Variants in PTPRK observed in about 807,000 individuals in gnomAD.
The protein encoded by PTPRK is receptor-type tyrosine-protein phosphatase kappa.
A neutral mutation model predicts 178.0 loss-of-function variants in PTPRK; 75 were observed. The observed-to-expected ratio is 0.42, with a 90% CI of 0.35 to 0.51. The LOEUF is 0.51. Ranked by LOEUF, PTPRK falls within the 20% of genes least tolerant of loss-of-function variation. The pLI, the probability that PTPRK is intolerant of heterozygous loss-of-function variation, is 0.02. For missense variants in PTPRK, 1,441 were observed against 1,797.8 expected (o/e 0.80, Z 3.59); for synonymous variants, 637 against 620.6 (o/e 1.03, Z -0.39).
At chr6:128,151,913 T>G (rs116397999) in intron 7 of PTPRK, among the ~76,000 whole-genome samples, 1 of 150,712 alleles carries the variant, frequency 6.6e-6, no homozygotes, top group Non-Finnish European at 1.5e-5. Flanking sequence ...AATTAAAGGG[T>G]TTTTTTTTCT....
chr6:128,303,776 ATTT>A (rs372796216), intron 3 of PTPRK, among the ~76,000 whole-genome samples: 2 of 152,046 alleles, frequency 1.3e-5, no homozygotes, highest in Non-Finnish European at 2.9e-5. Flanking sequence ...TTTAAAATGA[ATTT>A]TTTTTCTTTA....
chr6:128,482,836 T>C (rs1367705403), intron 1 of PTPRK, among the ~76,000 whole-genome samples: 1 of 152,136 alleles, frequency 6.6e-6, no homozygotes, highest in Admixed American at 6.6e-5. Flanking sequence ...TCAGATAGCA[T>C]CTGTCTCTTA....
chr6:128,257,904 C>T (rs1817592585), intron 3 of PTPRK, among the ~76,000 whole-genome samples: 1 of 151,980 alleles, frequency 6.6e-6, no homozygotes, highest in South Asian at 2.1e-4. Flanking sequence ...ACATGATATA[C>T]TCAACTAATC....
chr6:128,273,576 C>A (rs1820240519), intron 3 of PTPRK, among the ~76,000 whole-genome samples: 1 of 152,040 alleles, frequency 6.6e-6, no homozygotes, highest in African/African-American at 2.4e-5. Context: ...CTCCAAAACT[C>A]CATCAGACAT....
At chr6:128,090,666 ATTC>A (rs915746506) in intron 7 of PTPRK, among the ~76,000 whole-genome samples, 2 of 152,172 alleles carry the variant, frequency 1.3e-5, no homozygotes, top group African/African-American at 4.8e-5. Context: ...TGAATTTTCC[ATTC>A]AACTGGAAAA....
intron 6 of PTPRK, among the ~76,000 whole-genome samples, chr6:128,212,965 C>A (rs917260532): frequency 6.6e-6 from 1 of 151,878 alleles, no homozygotes; most frequent in African/African-American, 2.4e-5. Flanking sequence ...TAATGGTGTA[C>A]AGAAGTGGAT....
At chr6:128,478,881 T>C (rs527487431) in intron 1 of PTPRK, among the ~76,000 whole-genome samples, 6 of 152,278 alleles carry the variant, frequency 3.9e-5, no homozygotes, top group Non-Finnish European at 7.4e-5. Context: ...GTACTTCCTC[T>C]TCCTGGACTC....
In PTPRK at chr6:128,107,687, T is replaced by C. The variant is rs143998822; in HGVS notation, c.1163-17695A>G. On this transcript the variant is annotated intron_variant, in intron 7 of 29. Transcript: ENST00000368226. ...ATACATACTATGTCATCAAACTTCT[T>C]TTAAAAATGTAACAAAAATATCTGT... Among the ~76,000 whole-genome samples, 602 of 152,328 alleles carry C rather than the reference T, an allele frequency of 4.0e-3. 4 individuals are homozygous for C. Among genetic ancestry groups the C allele is most frequent in the African/African-American group, 0.014 (565 of 41,586 alleles).
At chr6:128,514,063 G>A (rs1182114639) in intron 1 of PTPRK, among the ~76,000 whole-genome samples, 1 of 152,146 alleles carries the variant, frequency 6.6e-6, no homozygotes, top group Non-Finnish European at 1.5e-5. Context: ...AACAGCGCTT[G>A]GAGAATCGGC....
intron 10 of PTPRK, among the ~76,000 whole-genome samples, chr6:128,081,270 G>A (rs1271111807): frequency 2.0e-5 from 3 of 151,878 alleles, no homozygotes; most frequent in Non-Finnish European, 2.9e-5. Context: ...AAAGAAAACT[G>A]CAATTTTAAA....
At chr6:128,137,394 TA>T (rs1795164564) in intron 7 of PTPRK, among the ~76,000 whole-genome samples, 1 of 152,136 alleles carries the variant, frequency 6.6e-6, no homozygotes, top group Admixed American at 6.5e-5. Flanking sequence ...ATGGTAATAG[TA>T]ACATACAGGA....
At chr6:128,022,898 C>T (rs1276257832) in intron 13 of PTPRK, among the ~76,000 whole-genome samples, 2 of 152,196 alleles carry the variant, frequency 1.3e-5, no homozygotes, top group African/African-American at 4.8e-5. Flanking sequence ...ATCAAGTTTA[C>T]ACATACTTAG....
chr6:128,354,231 G>GTTTTTTTTTTTTTTGTTTTTTT (rs1833616642), intron 2 of PTPRK, among the ~76,000 whole-genome samples: 1 of 49,354 alleles, frequency 2.0e-5, no homozygotes, highest in Non-Finnish European at 3.2e-5. Context: ...TTTTGTTTAT[G>GTTTTTTTTTTTTTTGTTTTTTT]TTTTTTTTTT....
intron 3 of PTPRK, among the ~76,000 whole-genome samples, chr6:128,282,099 C>T (rs987382141): frequency 2.0e-5 from 3 of 152,062 alleles, no homozygotes; most frequent in Non-Finnish European, 2.9e-5. Flanking sequence ...CCATATGCTA[C>T]GGTGGGGGAA....
At chr6:128,399,222 T>A (rs1050375347) in intron 1 of PTPRK, among the ~76,000 whole-genome samples, 1 of 152,170 alleles carries the variant, frequency 6.6e-6, no homozygotes, top group Non-Finnish European at 1.5e-5. Context: ...ACTTTCCTCA[T>A]CAAAAGTTTG....
At chr6:128,145,091 G>C (rs1310606535) in intron 7 of PTPRK, among the ~76,000 whole-genome samples, 1 of 151,982 alleles carries the variant, frequency 6.6e-6, no homozygotes, top group Non-Finnish European at 1.5e-5. Context: ...GCTGCTTAGG[G>C]GAAAATCAAT....
chr6:127,998,491 A>T (rs1393143758), intron 16 of PTPRK, among the ~76,000 whole-genome samples: 1 of 152,004 alleles, frequency 6.6e-6, no homozygotes, highest in East Asian at 1.9e-4. Flanking sequence ...TCCAACATTA[A>T]AGATTCTTGT....
intron 13 of PTPRK, among the ~76,000 whole-genome samples, chr6:128,011,598 TATC>T: frequency 6.6e-6 from 1 of 151,214 alleles, no homozygotes; most frequent in South Asian, 2.1e-4. Flanking sequence ...AAATATAAAC[TATC>T]ATCATGAAGT....
chr6:128,416,293 A>C (rs550137744), intron 1 of PTPRK, among the ~76,000 whole-genome samples: 2 of 152,148 alleles, frequency 1.3e-5, no homozygotes, highest in Non-Finnish European at 2.9e-5. Flanking sequence ...CGATTAATGC[A>C]GCATTAACTT....
Sources: gnomAD v4.1 joint callset for allele counts (sites outside exome capture counted in the v4.1 genomes callset) on GRCh38, gnomAD v4.1.1 for gene constraint, MANE v1.5 for transcripts, NCBI Gene and HGNC (gene_info 2026-07-23, HGNC 2026-07-21) for gene names.